ERG: variants seen among roughly 807,000 people sequenced by gnomAD.
ERG encodes transcriptional regulator ERG.
ERG carries 9 observed loss-of-function variants against 55.3 expected under a neutral mutation model. The ratio of observed to expected loss-of-function variants is 0.16; its 90% CI spans 0.10 to 0.28. The LOEUF (loss-of-function observed/expected upper bound fraction) is 0.28. ERG is among the 10% of genes least tolerant of loss of function. The probability of loss-of-function intolerance (pLI) is 1.00; values close to 1 mark genes in which losing one functional copy is unlikely to be tolerated. For missense variants in ERG, 434 were observed against 631.6 expected, an observed-to-expected ratio of 0.69 and a Z score of 3.35; for synonymous variants, 223 against 237.3, an observed-to-expected ratio of 0.94 and a Z score of 0.55.
chr21:38,591,344 G>A (rs1009102032), intron 1 of ERG, among the ~76,000 whole-genome samples: 1 of 152,208 alleles, frequency 6.6e-6, no homozygotes, highest in African/African-American at 2.4e-5. Flanking sequence ...TAAAAACAGG[G>A]AGGATATGCA....
chr21:38,385,163 A>G (rs1027381315), intron 9 of ERG, among the ~76,000 whole-genome samples: 1 of 152,234 alleles, frequency 6.6e-6, no homozygotes, highest in Non-Finnish European at 1.5e-5. Context: ...GCTATGTTAC[A>G]ATACTTGAAG....
intron 1 of ERG, among the ~76,000 whole-genome samples, chr21:38,594,108 C>G (rs2074746311): frequency 6.6e-6 from 1 of 152,082 alleles, no homozygotes; most frequent in Non-Finnish European, 1.5e-5. Flanking sequence ...GAAAATAGTT[C>G]TATACCCATC....
At chr21:38,627,621 G>A (rs562960692) in intron 1 of ERG, among the ~76,000 whole-genome samples, 60 of 152,268 alleles carry the variant, frequency 3.9e-4, no homozygotes, top group African/African-American at 1.4e-3. Context: ...ATAAAGAACC[G>A]TAGAAGCATG....
At chr21:38,545,971 A>G (rs1490446899) in intron 2 of ERG, among the ~76,000 whole-genome samples, 1 of 152,122 alleles carries the variant, frequency 6.6e-6, no homozygotes, top group African/African-American at 2.4e-5. Context: ...ATCCTTCTCC[A>G]TGAAACTTCT....
At chr21:38,465,784 A>G (rs2059083333) in intron 1 of ERG, among the ~76,000 whole-genome samples, 1 of 152,228 alleles carries the variant, frequency 6.6e-6, no homozygotes, top group African/African-American at 2.4e-5. Flanking sequence ...CACACGTGCA[A>G]TGACGGCCCT....
At chr21:38,377,986 T>G (rs1987288417), downstream of ERG, among the ~76,000 whole-genome samples, 1 of 152,192 alleles carries the variant, frequency 6.6e-6, no homozygotes, top group African/African-American at 2.4e-5. Context: ...ACCTGGGCCC[T>G]GCAGTGCTGA....
intron 1 of ERG, among the ~76,000 whole-genome samples, chr21:38,605,062 G>C (rs1314242235): frequency 6.6e-6 from 1 of 152,100 alleles, no homozygotes; most frequent in Non-Finnish European, 1.5e-5. Context: ...CCACACAGTT[G>C]TAGACTTACT....
In ERG at chr21:38,460,824, C is replaced by G. The variant is rs905462435; in HGVS notation, c.19-15203G>C. 5.9e-5 allele frequency among the ~76,000 whole-genome samples: 9 copies of G among 152,278 alleles called. No individual in the cohort carries two copies. On this transcript the variant is annotated intron_variant, in intron 1 of 9. Transcript: ENST00000288319. The surrounding 1 kb of genome is among the most constrained non-coding windows in gnomAD (Gnocchi z 5.0). ...ATGGGTGTGAGGCTGTAGGTTTTAA[C>G]GAGCTCTGAATGGCAAATGGCAGAC...
chr21:38,377,493 C>T (rs1230212288), downstream of ERG, among the ~76,000 whole-genome samples: 1 of 152,208 alleles, frequency 6.6e-6, no homozygotes, highest in Non-Finnish European at 1.5e-5. Flanking sequence ...CACATCCACC[C>T]ACCTCCAAAC....
chr21:38,494,225 C>A (rs2059361920), intron 1 of ERG, among the ~76,000 whole-genome samples: 2 of 152,126 alleles, frequency 1.3e-5, no homozygotes, highest in African/African-American at 4.8e-5. Context: ...CCTGTGGGGT[C>A]AAAGGAGGGG....
chr21:38,371,931 C>A, the ERG span, among the ~76,000 whole-genome samples: 2 of 151,788 alleles, frequency 1.3e-5, no homozygotes, highest in African/African-American at 4.8e-5. Flanking sequence ...AAATTTTGGA[C>A]CTTAAATATT....
At chr21:38,503,301 G>A (rs1237767071), upstream of ERG, among the ~76,000 whole-genome samples, 1 of 151,908 alleles carries the variant, frequency 6.6e-6, no homozygotes, top group African/African-American at 2.4e-5. Flanking sequence ...AATACTTGTA[G>A]GTGTCAAACC....
In ERG at chr21:38,460,525, C is replaced by T. The variant is rs2059032254; in HGVS notation, c.19-14904G>A. 6.6e-6 allele frequency among the ~76,000 whole-genome samples: 1 copy of T among 152,192 alleles called. No individual in the cohort carries two copies. Among genetic ancestry groups the T allele is most frequent in the East Asian group, 1.9e-4 (1 of 5,200 alleles). The stretch of plus-strand genomic sequence containing the variant: ...AGCCACACCTAATAAAATGTTACAG[C>T]CATCCTTTGTCCCACATGCAACGGG... On this transcript the variant is annotated intron_variant, in intron 1 of 9. Transcript: ENST00000288319. The surrounding 1 kb of genome is among the most constrained non-coding windows in gnomAD (Gnocchi z 5.0).
Position 38,498,007 on chromosome 21 carries a change from T to G in ERG, c.18+356A>C, listed in dbSNP as rs1266724676. Among the ~76,000 whole-genome samples the G allele has an allele frequency of 6.6e-6, 1 of 152,158 alleles. No homozygotes were observed. The highest frequency in any genetic ancestry group is 2.4e-5 in the African/African-American group (1 of 41,416). On this transcript the variant is annotated intron_variant, in intron 1 of 9. Coordinates refer to ENST00000288319, the MANE Select transcript of ERG (RefSeq NM_182918.4). The surrounding 1 kb of genome is among the most constrained non-coding windows in gnomAD (Gnocchi z 4.6). ...GCATCTTTTGCTTTGACCCGACCCT[T>G]CAACCTCTCCGAGTCTGCTGCCTTT...
intron 2 of ERG, among the ~76,000 whole-genome samples, chr21:38,432,275 G>A (rs1480324873): frequency 6.6e-6 from 1 of 151,848 alleles, no homozygotes; most frequent in East Asian, 1.9e-4. Context: ...TTAATTATTT[G>A]TATAGATGGG....
chr21:38,419,872 T>C (rs535838758), intron 3 of ERG, among the ~76,000 whole-genome samples: 1 of 152,324 alleles, frequency 6.6e-6, no homozygotes, highest in Admixed American at 6.5e-5. Context: ...GAACCCAATC[T>C]GAACACGGAC....
chr21:38,500,575 T>C (rs1295113157), upstream of ERG, among the ~76,000 whole-genome samples: 1 of 152,196 alleles, frequency 6.6e-6, no homozygotes, highest in Non-Finnish European at 1.5e-5. Flanking sequence ...ATGTACATCA[T>C]TTTCTCTGCT....
chr21:38,612,543 C>T (rs931367150), intron 1 of ERG, among the ~76,000 whole-genome samples: 10 of 152,064 alleles, frequency 6.6e-5, no homozygotes, highest in Non-Finnish European at 1.5e-4. Flanking sequence ...AAAAATACCC[C>T]CTCACCTTTC....
chr21:38,536,645 G>A lies in ERG; in HGVS notation c.-41+39017C>T, dbSNP rs1293981886. Among the ~76,000 whole-genome samples, 3 of 152,332 alleles carry A rather than the reference G, an allele frequency of 2.0e-5. No homozygotes were observed. In the East Asian group the frequency reaches 5.8e-4, roughly 29 times the overall value. On this transcript the variant is annotated intron_variant, in intron 2 of 8. Transcript: ENST00000398897. ...ACCTAGTGGGTATTCAGTGCATGTTGAAGGGAAGAATGAATGCATGAGCAA... is the reference window on the plus strand; with the variant it reads ...ACCTAGTGGGTATTCAGTGCATGTTAAAGGGAAGAATGAATGCATGAGCAA...
Sources: gnomAD v4.1 joint callset for allele counts (sites outside exome capture counted in the v4.1 genomes callset) on GRCh38, gnomAD v4.1.1 for gene constraint, Gnocchi (gnomAD v3.1) non-coding constraint, MANE v1.5 for transcripts, NCBI Gene and HGNC (gene_info 2026-07-23, HGNC 2026-07-21) for gene names.